Variants in ARFGEF1 observed in about 807,000 individuals in gnomAD.
The protein encoded by ARFGEF1 is ARF guanine nucleotide exchange factor 1.
A neutral mutation model predicts 231.0 loss-of-function variants in ARFGEF1; 42 were observed. That is an observed-to-expected ratio of 0.18 (90% CI 0.14 to 0.24). The LOEUF (loss-of-function observed/expected upper bound fraction) is 0.24. Ranked by LOEUF, ARFGEF1 falls within the 10% of genes least tolerant of loss-of-function variation. The pLI is 1.00. For synonymous variants in ARFGEF1, 710 were observed against 732.3 expected (o/e 0.97, Z 0.49); for missense variants, 1,345 against 2,192.0 (o/e 0.61, Z 7.72).
Position 67,296,520 on chromosome 8 carries a change from C to A in ARFGEF1, c.550G>T (p.Ala184Ser). The change falls in exon 5 of 39, where the codon GCA (alanine) becomes TCA (serine). Residue 184 changes from alanine (A) to serine (S), a missense_variant. By Grantham distance (99) the Ala-to-Ser change is moderately conservative. Transcript: ENST00000262215. ...AVRTCYNIYL[A>S]SKNLINQTTA... ...GTCTGATTGATGAGATTTTTGCTTG[C>A]TAAGTAGATATTGTAACATGTTCTC... is the stretch of plus-strand genomic sequence containing the variant. The A allele has an allele frequency of 6.2e-7, 1 of 1,613,828 alleles. No homozygotes were observed. The highest frequency in any genetic ancestry group is 8.5e-7 in the Non-Finnish European group (1 of 1,179,980).
At chr8:67,175,764 CTGTCATGATG>C (rs1831467749) in intron 5 of ARFGEF1, among the ~76,000 whole-genome samples, 2 of 152,206 alleles carry the variant, frequency 1.3e-5, no homozygotes, top group South Asian at 4.1e-4. Flanking sequence ...TATCAGTGCC[CTGTCATGATG>C]TGTCGGGCAT....
downstream of ARFGEF1, among the ~76,000 whole-genome samples, chr8:67,194,434 A>G (rs1195081792): frequency 5.3e-5 from 8 of 152,240 alleles, no homozygotes; most frequent in Admixed American, 5.2e-4. Flanking sequence ...CACACCAAAC[A>G]CAAAGCAGAC....
intron 23 of ARFGEF1, among the ~76,000 whole-genome samples, chr8:67,230,300 T>C (rs898955273): frequency 6.6e-6 from 1 of 152,106 alleles, no homozygotes; most frequent in African/African-American, 2.4e-5. Context: ...GAACCTTGTT[T>C]GTGAATATTA....
intron 19 of ARFGEF1, among the ~76,000 whole-genome samples, chr8:67,244,392 T>C (rs1199584884): frequency 8.1e-6 from 1 of 123,120 alleles, no homozygotes; most frequent in Non-Finnish European, 1.6e-5. Flanking sequence ...CACTGTAACC[T>C]CCACCTCCCA....
In ARFGEF1 at chr8:67,316,787, T is replaced by C. The variant is rs762680190; in HGVS notation, c.125-14321A>G. ...AACTGTTGTATAATTAAGAATCTGG[T>C]TGGTCTTTGTCCCTGGTTCAGGGAG... On this transcript the variant is annotated intron_variant, in intron 1 of 38. Transcript: ENST00000262215. 5.3e-5 allele frequency among the ~76,000 whole-genome samples: 8 copies of C among 152,116 alleles called. No homozygotes were observed. The South Asian group carries it at 1.0e-3, about 20-fold the overall frequency.
rs781541220 is a variant in ARFGEF1, at chr8:67,253,475, T to C, written c.2674A>G (p.Ile892Val). Residue 892 changes from isoleucine to valine, a missense_variant, in exon 18 of 39, where the codon ATC (isoleucine) becomes GTC (valine). This residue lies in a region of ARFGEF1 where 23 missense variants were observed against 21.6 expected (regional missense o/e 1.07). Transcript: ENST00000262215. ...CTCTGTTTACTTGATTTTGTAGGGA[T>C]TGTTAGTTCTTTTGTTTCTTTCATT... The part of the protein sequence containing the change: ...ISMKETKELT[I>V]PTKSSKQNVA... 4 of 1,569,198 alleles carry C rather than the reference T, an allele frequency of 2.5e-6. No individual in the cohort carries two copies. Among genetic ancestry groups the C allele is most frequent in the South Asian group, 1.1e-5 (1 of 88,320 alleles).
chr8:67,190,670 C>A, intron 5 of ARFGEF1: 1 of 1,614,030 alleles, frequency 6.2e-7, no homozygotes, highest in Non-Finnish European at 8.5e-7. Context: ...TGAGACATAT[C>A]CTGCCATTGA....
intron 10 of ARFGEF1, among the ~76,000 whole-genome samples, chr8:67,269,456 G>C (rs567544397): frequency 1.3e-5 from 2 of 150,760 alleles, no homozygotes; most frequent in East Asian, 3.9e-4. Flanking sequence ...AGGTTCAAGC[G>C]ATTGTCCTGC....
intron 36 of ARFGEF1, 35 bp downstream of exon 36, chr8:67,203,048 C>A (rs1344245242): frequency 6.3e-7 from 1 of 1,590,596 alleles, no homozygotes; most frequent in Non-Finnish European, 8.6e-7. Flanking sequence ...CATCCATCAA[C>A]AGTAAACATT....
intron 5 of ARFGEF1, among the ~76,000 whole-genome samples, chr8:67,190,972 T>C (rs962674261): frequency 1.3e-5 from 2 of 152,218 alleles, no homozygotes; most frequent in Non-Finnish European, 2.9e-5. Context: ...TTTTCTTGTC[T>C]CCTGGGGTGG....
chr8:67,254,560 A>C lies in ARFGEF1; in HGVS notation c.2527-938T>G, dbSNP rs548816755. 1.4e-4 allele frequency among the ~76,000 whole-genome samples: 21 copies of C among 152,278 alleles called. No homozygotes were observed. The South Asian group carries it at 4.4e-3, about 32-fold the overall frequency. ...CAAAAACTATAGAGAGTGTGGTGTTATGTGCCCGTAGTCCCAACTATTCAG... is the reference window on the plus strand; with the variant it reads ...CAAAAACTATAGAGAGTGTGGTGTTCTGTGCCCGTAGTCCCAACTATTCAG... On this transcript the variant is annotated intron_variant, in intron 17 of 38. Coordinates refer to ENST00000262215, the MANE Select transcript of ARFGEF1 (RefSeq NM_006421.5).
At chr8:67,235,235 A>G (rs1346882190) in intron 22 of ARFGEF1, among the ~76,000 whole-genome samples, 1 of 151,834 alleles carries the variant, frequency 6.6e-6, no homozygotes, top group Non-Finnish European at 1.5e-5. Flanking sequence ...AACCCATTTC[A>G]CAAATATGTG....
intron 1 of ARFGEF1, among the ~76,000 whole-genome samples, chr8:67,310,477 C>T (rs1279414167): frequency 1.3e-5 from 2 of 152,234 alleles, no homozygotes; most frequent in Non-Finnish European, 2.9e-5. Context: ...CCTGCCTTGG[C>T]CTCCCAAAGT....
At chr8:67,325,699 T>C (rs999609049) in intron 1 of ARFGEF1, among the ~76,000 whole-genome samples, 3 of 152,104 alleles carry the variant, frequency 2.0e-5, no homozygotes, top group African/African-American at 4.8e-5. Flanking sequence ...TATCTGCAAA[T>C]AAATACTAGT....
chr8:67,328,261 C>A (rs1035695065), intron 1 of ARFGEF1, among the ~76,000 whole-genome samples: 2 of 152,036 alleles, frequency 1.3e-5, no homozygotes, highest in Non-Finnish European at 2.9e-5. Context: ...GCTACTAATT[C>A]TTTACAGTCT....
chr8:67,255,423 A>C (rs950481120), intron 17 of ARFGEF1, among the ~76,000 whole-genome samples: 4 of 152,168 alleles, frequency 2.6e-5, no homozygotes, highest in Admixed American at 1.3e-4. Flanking sequence ...AATATGCCTA[A>C]AATTTTTTTT....
intron 29 of ARFGEF1, among the ~76,000 whole-genome samples, chr8:67,222,339 C>A (rs1839226693): frequency 6.7e-6 from 1 of 149,600 alleles, no homozygotes. Flanking sequence ...CATCTTGGCT[C>A]ACTGCAACCT....
intron 1 of ARFGEF1, among the ~76,000 whole-genome samples, chr8:67,317,658 C>A (rs1285962000): frequency 6.7e-6 from 1 of 149,536 alleles, no homozygotes; most frequent in East Asian, 2.0e-4. Context: ...CACCTGTAAT[C>A]CCAGCACTTT....
At chr8:67,226,346 C>A (rs1290123523) in intron 27 of ARFGEF1, among the ~76,000 whole-genome samples, 163 bp from the exon 28 acceptor site, 1 of 152,132 alleles carries the variant, frequency 6.6e-6, no homozygotes, top group African/African-American at 2.4e-5. Flanking sequence ...ACTTAACTGA[C>A]TGCCCTGAGT....
Sources: allele counts gnomAD v4.1 joint callset (sites outside exome capture counted in the v4.1 genomes callset), GRCh38; gene constraint gnomAD v4.1.1; regional missense constraint gnomAD v4.1.1; transcripts MANE v1.5; gene names NCBI Gene and HGNC (gene_info 2026-07-23, HGNC 2026-07-21).